The following PRSS37 variants were observed in gnomAD, a reference collection of about 807,000 sequenced individuals.
PRSS37 encodes the protein serine protease 37.
A neutral mutation model predicts 28.0 loss-of-function variants in PRSS37; 25 were observed. That is an observed-to-expected ratio of 0.89 (90% CI 0.65 to 1.25). The LOEUF (loss-of-function observed/expected upper bound fraction) is 1.25. PRSS37 is among the 50% of genes most tolerant of loss of function. The probability of loss-of-function intolerance (pLI) is 0.00; values close to 1 mark genes in which losing one functional copy is unlikely to be tolerated. For missense variants in PRSS37, 282 were observed against 292.2 expected (o/e 0.97, Z 0.25); for synonymous variants, 109 against 107.8 (o/e 1.01, Z -0.07).
chr7:141,838,051 A>G lies in PRSS37; in HGVS notation c.239T>C (p.Ile80Thr), dbSNP rs1378652329. ...GTAGCGGACGATCTGAATGGGGTTA[A>G]TTGTCTGTTCAGTACCGTCTCTGAC... The part of the protein sequence containing the change: ...SRVRDGTEQT[I>T]NPIQIVRYWN... The change falls in exon 3 of 5, where the codon ATT becomes ACT. Residue 80 changes from isoleucine to threonine, a missense_variant. Transcript: ENST00000350549. 4 of 1,614,082 alleles carry G rather than the reference A, an allele frequency of 2.5e-6. No individual in the cohort carries two copies. The highest frequency in any genetic ancestry group is 3.3e-5 in the Admixed American group (2 of 60,008).
Position 141,839,466 on chromosome 7 carries a change from A to G in PRSS37, c.48T>C (p.Phe16=), listed in dbSNP as rs199810291. 3.6e-4 allele frequency: 576 copies of G among 1,612,534 alleles called. 6 individuals are homozygous for G. In the South Asian group the frequency reaches 6.1e-3, roughly 17 times the overall value. ...CTTCTTTCTGAACAGATGAGTCAGC[A>G]AAGAAAAATGTCCCTGAGAAAATAA... ...YLGVLAGTFF[F]ADSSVQKEDP... is the part of the protein sequence containing the mutation. Residue 16 remains phenylalanine, a synonymous_variant, in exon 2 of 5, where the codon TTT becomes TTC. Transcript: ENST00000350549.
chr7:141,836,559 G>C (rs74836120), intron 4 of PRSS37, 24 bp from the exon 5 acceptor site: 18,467 of 1,606,478 alleles, frequency 0.011, 107 homozygotes, highest in Non-Finnish European at 0.014. Context: ...TGCAGAGAGA[G>C]AGAGAGAGAG....
rs1437003923 is a variant in PRSS37 at position 141,839,407 on chromosome 7, T to A, written c.107A>T (p.His36Leu). 7 of 1,613,576 alleles carry A rather than the reference T, an allele frequency of 4.3e-6. No homozygotes were observed. The highest frequency in any genetic ancestry group is 2.2e-5 in the East Asian group (1 of 44,890). ...GAGGACGCCCACACAGGGGTTGAAGTGAGACTTGAGGTACACCAAATAGGG... is the reference window on the plus strand; with the variant it reads ...GAGGACGCCCACACAGGGGTTGAAGAGAGACTTGAGGTACACCAAATAGGG... ...PAPYLVYLKS[H>L]FNPCVGVLIK... The change falls in exon 2 of 5, where the codon CAC becomes CTC. Residue 36 changes from histidine (H) to leucine (L), a missense_variant. Transcript: ENST00000350549.
rs762165615 is a variant in PRSS37 at position 141,839,454 on chromosome 7, A to G, written c.60T>C (p.Ser20=). Reference sequence around the variant, plus strand: ...AGGGAGCAGGGTCTTCTTTCTGAACAGATGAGTCAGCAAAGAAAAATGTCC... The same window carrying G: ...AGGGAGCAGGGTCTTCTTTCTGAACGGATGAGTCAGCAAAGAAAAATGTCC... ...LAGTFFFADS[S]VQKEDPAPYL... The change falls in exon 2 of 5, where the codon TCT becomes TCC. Residue 20 remains serine, a synonymous_variant. Transcript: ENST00000350549. 2 of 1,613,302 alleles carry G rather than the reference A, an allele frequency of 1.2e-6. No individual in the cohort carries two copies. The highest frequency in any genetic ancestry group is 1.3e-5 in the African/African-American group (1 of 75,014).
chr7:141,840,141 A>C (rs921074147), intron 1 of PRSS37, among the ~76,000 whole-genome samples: 4 of 152,220 alleles, frequency 2.6e-5, no homozygotes, highest in Non-Finnish European at 5.9e-5. Flanking sequence ...GTAAACTCAA[A>C]GTGTTAGCAT....
chr7:141,837,391 A>G, intron 3 of PRSS37, 143 bp from the exon 4 acceptor site: 1 of 1,150,970 alleles, frequency 8.7e-7, no homozygotes, highest in Non-Finnish European at 1.2e-6. Flanking sequence ...GAAATCATCA[A>G]GAGTGTGGTT....
In PRSS37 at chr7:141,841,017, A is replaced by G. The variant is rs1406310480; in HGVS notation, c.33T>C (p.Ala11=). The change falls in exon 1 of 5, where the codon GCT becomes GCC. Residue 11 remains alanine, a splice_region_variant and synonymous_variant. Transcript: ENST00000350549. ...GAGTACAAGGTCTTGAGTACATACCAGCGAGGACACCCAAATAGAAGACAT... is the reference window on the plus strand; with the variant it reads ...GAGTACAAGGTCTTGAGTACATACCGGCGAGGACACCCAAATAGAAGACAT... MKYVFYLGVL[A]GTFFFADSSV... 1 of 1,613,646 alleles carries G rather than the reference A, an allele frequency of 6.2e-7. No homozygotes were observed. Among genetic ancestry groups the G allele is most frequent in the East Asian group, 2.2e-5 (1 of 44,880 alleles).
intron 2 of PRSS37, 87 bp from the exon 3 acceptor site, chr7:141,838,200 C>A (rs750642716): frequency 9.4e-5 from 148 of 1,569,740 alleles, no homozygotes; most frequent in Non-Finnish European, 1.2e-4. Flanking sequence ...AGGAACTGTA[C>A]CAAGTGCTTT....
At chr7:141,837,319 T>C in intron 3 of PRSS37, 71 bp from the exon 4 acceptor site, 1 of 1,497,602 alleles carries the variant, frequency 6.7e-7, no homozygotes, top group Non-Finnish European at 9.0e-7. Context: ...ACCACCAGCC[T>C]CTATTTCAAC....
chr7:141,838,523 A>G (rs951051983), intron 2 of PRSS37: 1 of 979,148 alleles, frequency 1.0e-6, no homozygotes, highest in Non-Finnish European at 1.3e-6. Context: ...TAACAGTCCT[A>G]TTCCATTCTG....
Position 141,839,474 on chromosome 7 carries a change from A to G in PRSS37, c.40T>C (p.Phe14Leu). 1 of 1,611,220 alleles carries G rather than the reference A, an allele frequency of 6.2e-7. No homozygotes were observed. The highest frequency in any genetic ancestry group is 1.1e-5 in the South Asian group (1 of 90,842). Reference protein sequence around the residue: ...VFYLGVLAGTFFFADSSVQKE... With the variant: ...VFYLGVLAGTLFFADSSVQKE... ...TGAACAGATGAGTCAGCAAAGAAAA[A>G]TGTCCCTGAGAAAATAATGAACATT... The change falls in exon 2 of 5, where the codon TTT becomes CTT. Residue 14 changes from phenylalanine (F) to leucine (L), a missense_variant. Phe to Leu is a conservative substitution (Grantham distance 22). Transcript: ENST00000350549.
intron 2 of PRSS37, chr7:141,838,539 C>T: frequency 2.3e-6 from 2 of 860,424 alleles, no homozygotes; most frequent in Non-Finnish European, 1.5e-6. Context: ...TTCTGCTCTG[C>T]ACCTTTGGAA....
Position 141,838,067 on chromosome 7 carries a change from C to T in PRSS37, c.223G>A (p.Gly75Ser), listed in dbSNP as rs759676390. 9 of 1,613,918 alleles carry T rather than the reference C, an allele frequency of 5.6e-6. No individual in the cohort carries two copies. The highest frequency in any genetic ancestry group is 4.0e-5 in the African/African-American group (3 of 74,894). ...ATGGGGTTAATTGTCTGTTCAGTAC[C>T]GTCTCTGACTCTGCTCTTGAAATTT... The part of the protein sequence containing the change: ...LGNFKSRVRD[G>S]TEQTINPIQI... The change falls in exon 3 of 5, where the codon GGT (glycine) becomes AGT (serine). Residue 75 changes from glycine to serine, a missense_variant. Coordinates refer to ENST00000350549, the MANE Select transcript of PRSS37 (RefSeq NM_001008270.3).
At position 141,838,083 on chromosome 7, in the gene PRSS37, C is replaced by G. The variant is rs1447114414; in HGVS notation, c.207G>C (p.Lys69Asn). The G allele has an allele frequency of 1.2e-6, 2 of 1,614,086 alleles. No individual in the cohort carries two copies. The highest frequency in any genetic ancestry group is 1.7e-6 in the Non-Finnish European group (2 of 1,180,016). The change falls in exon 3 of 5, where the codon AAG becomes AAC. Residue 69 changes from lysine (K) to asparagine (N), a missense_variant. By Grantham distance (94) the Lys-to-Asn change is moderately conservative (BLOSUM62 0). Transcript: ENST00000350549. ...GTTCAGTACCGTCTCTGACTCTGCTCTTGAAATTTCCCAGCATCACTTTCA... is the reference window on the plus strand; with the variant it reads ...GTTCAGTACCGTCTCTGACTCTGCTGTTGAAATTTCCCAGCATCACTTTCA... ...PNLKVMLGNFKSRVRDGTEQT... is the reference protein window; with the variant it reads ...PNLKVMLGNFNSRVRDGTEQT...
rs1369583044 is a variant in PRSS37, at chr7:141,838,076, C to T, written c.214G>A (p.Val72Ile). Reference protein sequence around the residue: ...KVMLGNFKSRVRDGTEQTINP... With the variant: ...KVMLGNFKSRIRDGTEQTINP... ...ATTGTCTGTTCAGTACCGTCTCTGA[C>T]TCTGCTCTTGAAATTTCCCAGCATC... Residue 72 changes from valine (V) to isoleucine (I), a missense_variant, in exon 3 of 5, where the codon GTC (valine) becomes ATC (isoleucine). By Grantham distance (29) the Val-to-Ile change is conservative. Coordinates refer to ENST00000350549, the MANE Select transcript of PRSS37 (RefSeq NM_001008270.3). 3 of 1,613,972 alleles carry T rather than the reference C, an allele frequency of 1.9e-6. No homozygotes were observed. Among genetic ancestry groups the T allele is most frequent in the Admixed American group, 1.7e-5 (1 of 59,992 alleles).
intron 2 of PRSS37, chr7:141,838,664 T>G (rs1234010472): frequency 4.1e-6 from 1 of 245,226 alleles, no homozygotes; most frequent in Admixed American, 5.1e-5. Context: ...GGAGTACTTA[T>G]CCTCCCAGGT....
chr7:141,836,573 G>GAA (rs397762324), intron 4 of PRSS37, 38 bp from the exon 5 acceptor site: 1 of 1,600,134 alleles, frequency 6.2e-7, no homozygotes, highest in Non-Finnish European at 8.5e-7. Flanking sequence ...GAGAGAGAGA[G>GAA]TAAGAGTGTC....
chr7:141,837,817 A>G, intron 3 of PRSS37, 43 bp downstream of exon 3: 1 of 1,586,122 alleles, frequency 6.3e-7, no homozygotes, highest in Non-Finnish European at 8.6e-7. Context: ...TTCCTCCTAA[A>G]GGACAACTGA....
intron 2 of PRSS37, 158 bp from the exon 3 acceptor site, chr7:141,838,271 A>G: frequency 2.8e-6 from 4 of 1,449,540 alleles, no homozygotes; most frequent in Non-Finnish European, 3.7e-6. Context: ...TTTTATCCCC[A>G]TTTAGCACAT....
Sources: gnomAD v4.1 joint callset for allele counts (sites outside exome capture counted in the v4.1 genomes callset) on GRCh38, gnomAD v4.1.1 for gene constraint, MANE v1.5 for transcripts, NCBI Gene and HGNC (gene_info 2026-07-23, HGNC 2026-07-21) for gene names.